TMEM245: variants seen among roughly 807,000 people sequenced by gnomAD.
TMEM245 encodes transmembrane protein 245, also known as protein CG-2.
TMEM245 carries 69 observed loss-of-function variants against 101.2 expected under a neutral mutation model. That is an observed-to-expected ratio of 0.68 (90% CI 0.56 to 0.83). TMEM245 has a LOEUF of 0.83. Ranked by LOEUF, TMEM245 falls within the 40% of genes least tolerant of loss-of-function variation. The pLI, the probability that TMEM245 is intolerant of heterozygous loss-of-function variation, is 0.00. For synonymous variants in TMEM245, 537 were observed against 449.8 expected (o/e 1.19, Z -2.45); for missense variants, 1,075 against 1,092.8 (o/e 0.98, Z 0.23).
chr9:109,110,565 G>A (rs1021718595), intron 1 of TMEM245, among the ~76,000 whole-genome samples: 2 of 82,096 alleles, frequency 2.4e-5, no homozygotes, highest in Non-Finnish European at 5.8e-5. Context: ...ACAACTTGTT[G>A]AAATTAAAAA....
At chr9:109,033,540 G>GA (rs1284212643) in intron 16 of TMEM245, 39 bp from the exon 17 acceptor site, 3 of 1,510,664 alleles carry the variant, frequency 2.0e-6, no homozygotes, top group Non-Finnish European at 2.7e-6. Flanking sequence ...ACAAAAACTG[G>GA]AAAAAATCTG....
At chr9:109,106,630 A>G in intron 2 of TMEM245, 21 bp from the exon 3 acceptor site, 1 of 1,563,610 alleles carries the variant, frequency 6.4e-7, no homozygotes, top group Middle Eastern at 1.7e-4. Flanking sequence ...TTAAGAATTA[A>G]CATTTTTAGT....
chr9:109,053,430 G>C (rs1828744339), intron 12 of TMEM245, among the ~76,000 whole-genome samples: 1 of 151,922 alleles, frequency 6.6e-6, no homozygotes, highest in Non-Finnish European at 1.5e-5. Context: ...CTCTCTCTGA[G>C]GGGGAAAAAA....
At chr9:109,079,459 G>A (rs1829607032) in intron 8 of TMEM245, among the ~76,000 whole-genome samples, 3 of 152,152 alleles carry the variant, frequency 2.0e-5, no homozygotes, top group South Asian at 2.1e-4. Flanking sequence ...AGTCTCTGAC[G>A]TTACATTTGA....
chr9:109,057,925 C>CTTTTTTT (rs35332085), intron 11 of TMEM245, among the ~76,000 whole-genome samples: 50 of 112,676 alleles, frequency 4.4e-4, no homozygotes, highest in East Asian at 5.7e-4. Flanking sequence ...CATTTACTTT[C>CTTTTTTT]TTTTTTTTTT....
intron 13 of TMEM245, 32 bp from the exon 14 acceptor site, chr9:109,050,460 A>C: frequency 6.2e-7 from 1 of 1,612,730 alleles, no homozygotes; most frequent in East Asian, 2.2e-5. Context: ...CTCCTAAAAA[A>C]ATCGTATTTG....
At chr9:109,104,097 A>G (rs1308372473) in intron 3 of TMEM245, among the ~76,000 whole-genome samples, 1 of 152,174 alleles carries the variant, frequency 6.6e-6, no homozygotes, top group Non-Finnish European at 1.5e-5. Context: ...AAACAGAAAA[A>G]AAAAATTAAA....
intron 17 of TMEM245, among the ~76,000 whole-genome samples, chr9:109,025,516 T>C (rs888288615): frequency 1.3e-5 from 2 of 152,230 alleles, no homozygotes; most frequent in African/African-American, 4.8e-5. Flanking sequence ...CACATTCCAG[T>C]TGTCACCTTC....
At chr9:109,048,027 C>T (rs1828552008) in intron 14 of TMEM245, among the ~76,000 whole-genome samples, 1 of 152,194 alleles carries the variant, frequency 6.6e-6, no homozygotes. Flanking sequence ...AGATGATAGT[C>T]AATGGTCATA....
intron 15 of TMEM245, among the ~76,000 whole-genome samples, 179 bp from the exon 16 acceptor site, chr9:109,036,559 G>A (rs990181859): frequency 6.6e-6 from 1 of 152,068 alleles, no homozygotes; most frequent in Non-Finnish European, 1.5e-5. Context: ...CTAAGTAAAG[G>A]CTCAATATCT....
chr9:109,022,551 G>A (rs1359711054), intron 17 of TMEM245, among the ~76,000 whole-genome samples: 1 of 151,532 alleles, frequency 6.6e-6, no homozygotes, highest in Non-Finnish European at 1.5e-5. Context: ...TGCATTATAA[G>A]ATGTTTTGCA....
At chr9:109,092,524 G>A (rs1479858708) in intron 4 of TMEM245, among the ~76,000 whole-genome samples, 1 of 152,218 alleles carries the variant, frequency 6.6e-6, no homozygotes, top group Non-Finnish European at 1.5e-5. Context: ...CTTCATGATG[G>A]TGGGTGTGAC....
intron 8 of TMEM245, among the ~76,000 whole-genome samples, chr9:109,080,272 C>T (rs1829629365): frequency 1.3e-5 from 2 of 151,810 alleles, no homozygotes; most frequent in South Asian, 4.2e-4. Context: ...GAAATCTTGT[C>T]AGACTTGATA....
At chr9:109,083,505 AAAATGAC>A (rs1421350601) in intron 7 of TMEM245, among the ~76,000 whole-genome samples, 2 of 152,214 alleles carry the variant, frequency 1.3e-5, no homozygotes, top group Non-Finnish European at 2.9e-5. Flanking sequence ...AAGTAATTTT[AAAATGAC>A]ATTCCGAATG....
intron 3 of TMEM245, among the ~76,000 whole-genome samples, chr9:109,096,347 C>T (rs1000610549): frequency 2.6e-5 from 4 of 152,096 alleles, no homozygotes; most frequent in South Asian, 2.1e-4. Flanking sequence ...CATGGTGGCA[C>T]ACGCCTGTAA....
At chr9:109,058,585 G>A (rs1005439756) in intron 11 of TMEM245, among the ~76,000 whole-genome samples, 29 of 152,042 alleles carry the variant, frequency 1.9e-4, no homozygotes, top group Non-Finnish European at 3.1e-4. Flanking sequence ...TTAAAAATTA[G>A]ACAAGCATGA....
intron 16 of TMEM245, among the ~76,000 whole-genome samples, chr9:109,034,987 T>A (rs1389176746): frequency 6.6e-6 from 1 of 151,606 alleles, no homozygotes; most frequent in Admixed American, 6.6e-5. Flanking sequence ...TGAAATCCCA[T>A]CTCTAGTAAA....
intron 3 of TMEM245, among the ~76,000 whole-genome samples, chr9:109,105,119 T>A (rs1050450314): frequency 6.6e-6 from 1 of 152,132 alleles, no homozygotes; most frequent in Admixed American, 6.5e-5. Context: ...GGGTCTAGTA[T>A]CTAGAATATG....
chr9:109,092,861 GACA>G (rs748304387), intron 4 of TMEM245, among the ~76,000 whole-genome samples: 4 of 152,154 alleles, frequency 2.6e-5, no homozygotes, highest in Non-Finnish European at 5.9e-5. Flanking sequence ...GGCCACACAG[GACA>G]ACGAGTCCAA....
Sources: allele counts gnomAD v4.1 joint callset (sites outside exome capture counted in the v4.1 genomes callset), GRCh38; gene constraint gnomAD v4.1.1; transcripts MANE v1.5; gene names NCBI Gene and HGNC (gene_info 2026-07-23, HGNC 2026-07-21).